RBFOX1: variants seen among roughly 807,000 people sequenced by gnomAD.
RBFOX1 encodes the protein RNA binding protein fox-1 homolog 1.
Under a neutral mutation model 57.7 loss-of-function variants are expected in RBFOX1, and 8 were observed. The observed-to-expected ratio is 0.14, with a 90% CI of 0.08 to 0.25. The LOEUF is 0.25. Ranked by LOEUF, RBFOX1 falls within the 10% of genes least tolerant of loss-of-function variation. RBFOX1 has a pLI of 1.00. For missense variants in RBFOX1, 611 were observed against 548.5 expected (o/e 1.11, Z -1.14); for synonymous variants, 326 against 222.4 (o/e 1.47, Z -4.15).
intron 2 of RBFOX1, among the ~76,000 whole-genome samples, chr16:6,434,771 A>G (rs1444050504): frequency 6.6e-6 from 1 of 152,172 alleles, no homozygotes. Flanking sequence ...TAAGTATTTT[A>G]TATATTTTTT....
At chr16:7,198,023 T>TG (rs2087230563) in intron 4 of RBFOX1, among the ~76,000 whole-genome samples, 1 of 145,230 alleles carries the variant, frequency 6.9e-6, no homozygotes, top group Non-Finnish European at 1.5e-5. Flanking sequence ...TTTTTTTTTT[T>TG]GAGACGGAGT....
chr16:5,944,007 C>T (rs1484831075), intron 4 of RBFOX1, among the ~76,000 whole-genome samples: 1 of 151,344 alleles, frequency 6.6e-6, no homozygotes, highest in Non-Finnish European at 1.5e-5. Flanking sequence ...ATCCATCCAT[C>T]CACTCACCCA....
At chr16:6,511,654 C>G (rs1279422719) in intron 2 of RBFOX1, among the ~76,000 whole-genome samples, 2 of 152,086 alleles carry the variant, frequency 1.3e-5, no homozygotes, top group Non-Finnish European at 2.9e-5. Flanking sequence ...TTTACTAACT[C>G]CCTGGTGAAG....
chr16:7,578,950 G>A (rs990463611), intron 5 of RBFOX1, among the ~76,000 whole-genome samples: 3 of 152,146 alleles, frequency 2.0e-5, no homozygotes, highest in African/African-American at 4.8e-5. Context: ...CAGGGGAGGT[G>A]AAACAATCAG....
chr16:5,665,886 C>T (rs138219061), intron 3 of RBFOX1, among the ~76,000 whole-genome samples: 14 of 152,320 alleles, frequency 9.2e-5, no homozygotes, highest in East Asian at 3.9e-4. Context: ...TTCAGCAGGC[C>T]TCAGCTTCTG....
chr16:7,659,803 C>G (rs1273962455), intron 12 of RBFOX1, among the ~76,000 whole-genome samples: 1 of 152,078 alleles, frequency 6.6e-6, no homozygotes, highest in Admixed American at 6.5e-5. Context: ...AACTTATAGA[C>G]AAACATGATG....
chr16:7,100,585 T>A (rs2062513425), intron 4 of RBFOX1, among the ~76,000 whole-genome samples: 1 of 114,722 alleles, frequency 8.7e-6, no homozygotes, highest in East Asian at 2.6e-4. Flanking sequence ...TTTTTTTTTT[T>A]AGCATATGGC....
At chr16:7,161,986 C>G (rs1216873363) in intron 4 of RBFOX1, among the ~76,000 whole-genome samples, 1 of 152,194 alleles carries the variant, frequency 6.6e-6, no homozygotes, top group East Asian at 1.9e-4. Context: ...TATTTGTTCC[C>G]AGAACACAGC....
At chr16:7,048,634 T>A (rs906113335) in intron 3 of RBFOX1, among the ~76,000 whole-genome samples, 1 of 152,218 alleles carries the variant, frequency 6.6e-6, no homozygotes, top group African/African-American at 2.4e-5. Flanking sequence ...CAGTGTGTTT[T>A]TTCTTACCGT....
At chr16:7,694,346 C>T (rs1568501675) in intron 14 of RBFOX1, among the ~76,000 whole-genome samples, 1 of 152,128 alleles carries the variant, frequency 6.6e-6, no homozygotes, top group Non-Finnish European at 1.5e-5. Flanking sequence ...GGCTTATGTG[C>T]CAATGTTTCA....
chr16:7,386,241 T>C (rs2097878687), intron 4 of RBFOX1, among the ~76,000 whole-genome samples: 1 of 152,094 alleles, frequency 6.6e-6, no homozygotes, highest in African/African-American at 2.4e-5. Context: ...GAAGTACTGG[T>C]CCTTTATGAT....
intron 1 of RBFOX1, among the ~76,000 whole-genome samples, chr16:6,184,142 A>G (rs898477684): frequency 6.6e-6 from 1 of 152,162 alleles, no homozygotes; most frequent in East Asian, 1.9e-4. Flanking sequence ...ACTACCATGA[A>G]AACAGTATGG....
At chr16:6,951,479 G>A (rs1193934260) in intron 3 of RBFOX1, among the ~76,000 whole-genome samples, 2 of 152,094 alleles carry the variant, frequency 1.3e-5, no homozygotes, top group Admixed American at 6.5e-5. Context: ...TTACATAGTG[G>A]CTGAGTCTGG....
intron 4 of RBFOX1, among the ~76,000 whole-genome samples, chr16:5,950,004 A>G (rs1325213572): frequency 6.6e-6 from 1 of 152,238 alleles, no homozygotes; most frequent in Non-Finnish European, 1.5e-5. Flanking sequence ...GCCATCATTC[A>G]GCACATCACA....
chr16:6,963,700 A>C (rs1008586078), intron 3 of RBFOX1, among the ~76,000 whole-genome samples: 2 of 151,898 alleles, frequency 1.3e-5, no homozygotes, highest in South Asian at 2.1e-4. Flanking sequence ...TATTTATTTT[A>C]TTATTATTAT....
At chr16:6,193,402 A>ATATATATATATATAC (rs2097158364) in intron 1 of RBFOX1, among the ~76,000 whole-genome samples, 1 of 97,444 alleles carries the variant, frequency 1.0e-5, no homozygotes, top group African/African-American at 4.4e-5. Flanking sequence ...CTATATATAT[A>ATATATATATATATAC]TATATATATA....
At chr16:6,091,189 A>C (rs977644820) in intron 1 of RBFOX1, among the ~76,000 whole-genome samples, 3 of 152,108 alleles carry the variant, frequency 2.0e-5, no homozygotes, top group Non-Finnish European at 2.9e-5. Flanking sequence ...CCATTAACCG[A>C]TTTGTCTTCA....
At chr16:7,541,005 G>A (rs1397967514) in intron 5 of RBFOX1, among the ~76,000 whole-genome samples, 1 of 152,166 alleles carries the variant, frequency 6.6e-6, no homozygotes, top group African/African-American at 2.4e-5. Context: ...GTTCAAGTGA[G>A]AGACACATTA....
At chr16:5,876,262 A>C (rs2057607461) in intron 4 of RBFOX1, among the ~76,000 whole-genome samples, 2 of 151,952 alleles carry the variant, frequency 1.3e-5, no homozygotes, top group African/African-American at 4.8e-5. Flanking sequence ...TCTGCAAGTC[A>C]TTCCGCCTGC....
Sources: allele counts gnomAD v4.1 joint callset (sites outside exome capture counted in the v4.1 genomes callset), GRCh38; gene constraint gnomAD v4.1.1; transcripts MANE v1.5; gene names NCBI Gene and HGNC (gene_info 2026-07-23, HGNC 2026-07-21).